The following CCBE1 variants were observed in gnomAD, a reference collection of about 807,000 sequenced individuals.
The protein encoded by CCBE1 is collagen and calcium-binding EGF domain-containing protein 1.
CCBE1 carries 37 observed loss-of-function variants against 50.0 expected under a neutral mutation model. The observed-to-expected ratio is 0.74, with a 90% confidence interval of 0.57 to 0.97. CCBE1 has a LOEUF of 0.97. Ranked by LOEUF, CCBE1 falls within the 50% of genes least tolerant of loss-of-function variation. The pLI, the probability that CCBE1 is intolerant of heterozygous loss-of-function variation, is 0.00. For missense variants in CCBE1, 538 were observed against 523.8 expected (o/e 1.03, Z -0.26); for synonymous variants, 234 against 203.7 (o/e 1.15, Z -1.27).
chr18:59,649,383 A>G (rs2054097966), intron 2 of CCBE1, among the ~76,000 whole-genome samples: 1 of 152,254 alleles, frequency 6.6e-6, no homozygotes, highest in Non-Finnish European at 1.5e-5. Flanking sequence ...CAAGACTGAC[A>G]TGCAAGACAA....
intron 2 of CCBE1, among the ~76,000 whole-genome samples, chr18:59,488,059 CATT>C (rs1309372725): frequency 6.6e-6 from 1 of 152,178 alleles, no homozygotes; most frequent in African/African-American, 2.4e-5. Context: ...ACCTTGAAGA[CATT>C]ATGCTAAGTG....
At chr18:59,473,980 T>C (rs1912187487) in intron 3 of CCBE1, among the ~76,000 whole-genome samples, 1 of 152,228 alleles carries the variant, frequency 6.6e-6, no homozygotes, top group African/African-American at 2.4e-5. Flanking sequence ...AGTGAGAACA[T>C]GTGGTACTTG....
intron 2 of CCBE1, among the ~76,000 whole-genome samples, chr18:59,675,962 A>G (rs886373302): frequency 6.6e-6 from 1 of 152,198 alleles, no homozygotes; most frequent in African/African-American, 2.4e-5. Context: ...CAGTTAATAA[A>G]AGCCAAAAAC....
At chr18:59,468,209 T>G (rs1221122741) in intron 4 of CCBE1, among the ~76,000 whole-genome samples, 2 of 151,894 alleles carry the variant, frequency 1.3e-5, no homozygotes, top group East Asian at 3.9e-4. Flanking sequence ...CATAGTAAAA[T>G]CCCATCTCTA....
At chr18:59,563,629 T>C (rs2052775540) in intron 2 of CCBE1, 1 of 152,204 alleles carries the variant, frequency 6.6e-6, no homozygotes, top group African/African-American at 2.4e-5. Flanking sequence ...ACCAGGGCTA[T>C]GATTCCAGTC....
intron 2 of CCBE1, among the ~76,000 whole-genome samples, chr18:59,602,226 G>A (rs2053442893): frequency 6.6e-6 from 1 of 151,940 alleles, no homozygotes; most frequent in Non-Finnish European, 1.5e-5. Flanking sequence ...TCTTTAGGGT[G>A]ATACAATGGC....
intron 2 of CCBE1, among the ~76,000 whole-genome samples, chr18:59,666,340 G>C (rs1413730090): frequency 6.6e-6 from 1 of 152,134 alleles, no homozygotes; most frequent in East Asian, 1.9e-4. Flanking sequence ...GATTTGGGTG[G>C]AGACACAGCC....
chr18:59,463,677 G>C (rs183350600), intron 5 of CCBE1, among the ~76,000 whole-genome samples: 1 of 152,324 alleles, frequency 6.6e-6, no homozygotes, highest in East Asian at 1.9e-4. Context: ...TGTGGGCGGG[G>C]CCAGGTCCTA....
At chr18:59,623,197 T>A (rs2053735294) in intron 2 of CCBE1, among the ~76,000 whole-genome samples, 1 of 152,168 alleles carries the variant, frequency 6.6e-6, no homozygotes, top group Non-Finnish European at 1.5e-5. Context: ...CTAAAAAAAA[T>A]CCTTTTTTAA....
Position 59,432,985 on chromosome 18 carries a change from C to T in CCBE1, c.*2923G>A, listed in dbSNP as rs1909996219. On this transcript the variant is annotated 3_prime_UTR_variant, in exon 11 of 11. Coordinates refer to ENST00000439986, the MANE Select transcript of CCBE1 (RefSeq NM_133459.4). ...TTTTTAAACATTCATCCATCCACACCCTTTAAATACCATGCTCCACAAGCA... is the reference window on the plus strand; with the variant it reads ...TTTTTAAACATTCATCCATCCACACTCTTTAAATACCATGCTCCACAAGCA... 6.6e-6 allele frequency: 1 copy of T among 151,856 alleles called. No individual in the cohort carries two copies. Among genetic ancestry groups the T allele is most frequent in the Non-Finnish European group, 1.5e-5 (1 of 67,986 alleles). The allele number at this position is 151,856 out of a possible 1,614,324, so 9.4% of individuals were successfully genotyped here.
At chr18:59,650,255 C>T (rs2054109511) in intron 2 of CCBE1, among the ~76,000 whole-genome samples, 1 of 151,226 alleles carries the variant, frequency 6.6e-6, no homozygotes, top group African/African-American at 2.4e-5. Flanking sequence ...TTTCCATTGT[C>T]CACCCCTGCC....
chr18:59,476,349 A>T (rs540324949), intron 3 of CCBE1, among the ~76,000 whole-genome samples: 141 of 152,308 alleles, frequency 9.3e-4, no homozygotes, highest in African/African-American at 3.2e-3. Flanking sequence ...AGAAACCAGT[A>T]CTGCTCCCTT....
At chr18:59,686,921 C>T (rs560715013) in intron 2 of CCBE1, among the ~76,000 whole-genome samples, 65 of 152,218 alleles carry the variant, frequency 4.3e-4, no homozygotes, top group African/African-American at 1.5e-3. Context: ...CAGATTTGGC[C>T]AGAACTACAC....
intron 2 of CCBE1, among the ~76,000 whole-genome samples, chr18:59,671,571 T>C (rs993134528): frequency 6.6e-6 from 1 of 151,108 alleles, no homozygotes; most frequent in African/African-American, 2.4e-5. Context: ...GAGGAGACAG[T>C]CTTCAGCAAG....
At chr18:59,600,939 C>T (rs76866844) in intron 2 of CCBE1, among the ~76,000 whole-genome samples, 2,636 of 149,456 alleles carry the variant, frequency 0.018, 85 homozygotes, top group African/African-American at 0.062. Context: ...ACCCATTTCC[C>T]TTGCTTTCAG....
chr18:59,448,792 G>T (rs1027122455), intron 6 of CCBE1, among the ~76,000 whole-genome samples: 5 of 152,210 alleles, frequency 3.3e-5, no homozygotes, highest in Non-Finnish European at 7.3e-5. Flanking sequence ...AGGGATGACT[G>T]TAAGAATCAA....
chr18:59,615,158 T>TC (rs1321062620), intron 2 of CCBE1, among the ~76,000 whole-genome samples: 1 of 152,202 alleles, frequency 6.6e-6, no homozygotes, highest in Non-Finnish European at 1.5e-5. Flanking sequence ...CCTCCTAGTC[T>TC]CCCTCTGTAC....
At chr18:59,561,031 T>C (rs2052729437) in intron 2 of CCBE1, among the ~76,000 whole-genome samples, 1 of 151,620 alleles carries the variant, frequency 6.6e-6, no homozygotes, top group African/African-American at 2.4e-5. Context: ...TGGGACATGG[T>C]GCACAGATGG....
At chr18:59,649,053 G>A (rs2054093129) in intron 2 of CCBE1, among the ~76,000 whole-genome samples, 1 of 152,194 alleles carries the variant, frequency 6.6e-6, no homozygotes, top group Non-Finnish European at 1.5e-5. Context: ...CTGAGGAGAG[G>A]ACGATTCAGT....
Sources: allele counts gnomAD v4.1 joint callset (sites outside exome capture counted in the v4.1 genomes callset), GRCh38; gene constraint gnomAD v4.1.1; transcripts MANE v1.5; gene names NCBI Gene and HGNC (gene_info 2026-07-23, HGNC 2026-07-21).